The following NUP93 variants were observed in gnomAD, a reference collection of about 807,000 sequenced individuals.
NUP93 encodes nuclear pore complex protein Nup93.
NUP93 carries 55 observed loss-of-function variants against 107.8 expected under a neutral mutation model. The ratio of observed to expected loss-of-function variants is 0.51; its 90% CI spans 0.41 to 0.64. The LOEUF (loss-of-function observed/expected upper bound fraction) is 0.64. Among genes scored for constraint, NUP93 ranks in the 30% least tolerant of loss-of-function variants. The probability of loss-of-function intolerance (pLI) is 0.00; values close to 1 mark genes in which losing one functional copy is unlikely to be tolerated. For synonymous variants in NUP93, 390 were observed against 397.5 expected, an observed-to-expected ratio of 0.98 and a Z score of 0.22; for missense variants, 937 against 1,044.7, an observed-to-expected ratio of 0.90 and a Z score of 1.42.
In NUP93 at chr16:56,822,663, C is replaced by T. The variant is rs573810707; in HGVS notation, c.655-1044C>T. ...GCAACCTCCACCTCCTGGGTTCAAG[C>T]GATTCTCCTACCTCGGCCTCCCGAG... On this transcript the variant is annotated intron_variant, in intron 7 of 21. Transcript: ENST00000308159. Among the ~76,000 whole-genome samples, 49 of 148,790 alleles carry T rather than the reference C, an allele frequency of 3.3e-4. 1 individual carries two copies. The highest frequency in any genetic ancestry group is 1.2e-3 in the African/African-American group (47 of 40,244).
chr16:56,815,853 G>C lies in NUP93; in HGVS notation c.490-2811G>C, dbSNP rs1390116758. ...GTAAGTAGTGGATCCAGGATTTCCA[G>C]CTACTACTGCTACTGCTGCTGCTGC... On this transcript the variant is annotated intron_variant, in intron 5 of 21. Coordinates refer to ENST00000308159, the MANE Select transcript of NUP93 (RefSeq NM_014669.5). Among the ~76,000 whole-genome samples, 3 of 140,196 alleles carry C rather than the reference G, an allele frequency of 2.1e-5. No individual in the cohort carries two copies. The Admixed American group carries it at 2.2e-4, about 10-fold the overall frequency. 92.0% of individuals were successfully genotyped at this position (140,196 alleles called of 152,430 possible).
chr16:56,772,357 C>A (rs549597049), intron 3 of NUP93, among the ~76,000 whole-genome samples: 1 of 152,310 alleles, frequency 6.6e-6, no homozygotes, highest in South Asian at 2.1e-4. Context: ...AGTTTGGACT[C>A]CGGATTCTTT....
intron 20 of NUP93, 83 bp from the exon 21 acceptor site, chr16:56,841,598 AGGAGTGGTGCAACCAGGCCTGCCT>A (rs1964025979): frequency 7.3e-7 from 1 of 1,366,570 alleles, no homozygotes; most frequent in African/African-American, 1.5e-5. Flanking sequence ...GGCAATGGTG[AGGAGTGGTGCAACCAGGCCTGCCT>A]GGAGCAGCCC....
At position 56,795,830 on chromosome 16, in the gene NUP93, A is replaced by C. The variant is rs560157026; in HGVS notation, c.298-2646A>C. Among the ~76,000 whole-genome samples the C allele has an allele frequency of 4.1e-4, 63 of 152,094 alleles. No homozygotes were observed. In the South Asian group the frequency reaches 0.013, roughly 31 times the overall value. The stretch of plus-strand genomic sequence containing the variant: ...GCTGGCTAATCTTTGTGTTTTTAGT[A>C]GAGACAGGGTTTCACCATGTTGGCC... On this transcript the variant is annotated intron_variant, in intron 3 of 21. Coordinates refer to ENST00000308159, the MANE Select transcript of NUP93 (RefSeq NM_014669.5).
chr16:56,812,134 G>A (rs1963328767), intron 5 of NUP93, among the ~76,000 whole-genome samples: 1 of 152,128 alleles, frequency 6.6e-6, no homozygotes, highest in African/African-American at 2.4e-5. Flanking sequence ...ATAATTTTGA[G>A]CTGACCTTAA....
At chr16:56,796,520 A>G (rs1255675327) in intron 3 of NUP93, among the ~76,000 whole-genome samples, 2 of 152,246 alleles carry the variant, frequency 1.3e-5, no homozygotes, top group Non-Finnish European at 2.9e-5. Context: ...GCTTGACTAT[A>G]TACTAAAACA....
chr16:56,776,869 G>A (rs1962424794), intron 3 of NUP93, among the ~76,000 whole-genome samples: 1 of 152,194 alleles, frequency 6.6e-6, no homozygotes, highest in Admixed American at 6.5e-5. Context: ...AAATTTTGTG[G>A]CTATGAATCC....
At chr16:56,785,816 A>G (rs1962614558) in intron 3 of NUP93, among the ~76,000 whole-genome samples, 1 of 152,228 alleles carries the variant, frequency 6.6e-6, no homozygotes, top group South Asian at 2.1e-4. Flanking sequence ...TTTAATTAGC[A>G]CTTATATGTA....
intron 5 of NUP93, among the ~76,000 whole-genome samples, chr16:56,816,814 G>GA (rs1226571434): frequency 1.3e-5 from 2 of 152,156 alleles, no homozygotes; most frequent in African/African-American, 4.8e-5. Context: ...TGAATAGCTT[G>GA]AAATCTGCCA....
At position 56,845,709 on chromosome 16, in the gene NUP93, CTCTT is replaced by C. The variant is rs1964108703; in HGVS notation, c.*1103_*1106del. 6.6e-6 allele frequency: 1 copy of C among 152,216 alleles called. No individual in the cohort carries two copies. Among genetic ancestry groups the C allele is most frequent in the South Asian group, 2.1e-4 (1 of 4,832 alleles). 9.4% of individuals were successfully genotyped at this position (152,216 alleles called of 1,614,324 possible). ...TTGATGGACGGCTCCCTGAGGTAGA[CTCTT>C]TCCCAGCAGAATGTTAAGATCCCCA... On this transcript the variant is annotated 3_prime_UTR_variant, in exon 22 of 22. Transcript: ENST00000308159.
In NUP93 at chr16:56,821,573, G is replaced by T; in HGVS notation, c.634G>T (p.Val212Phe). 6.2e-7 allele frequency: 1 copy of T among 1,612,772 alleles called. No homozygotes were observed. Among genetic ancestry groups the T allele is most frequent in the Non-Finnish European group, 8.5e-7 (1 of 1,178,938 alleles). ...QPNLVDLCASVAELDDKSISD... is the reference protein window; with the variant it reads ...QPNLVDLCASFAELDDKSISD... ...TAACCTGGTGGACCTTTGTGCTTCC[G>T]TCGCAGAGCTCGATGATAAGGTAGC... is the stretch of plus-strand genomic sequence containing the variant. The change falls in exon 7 of 22, where the codon GTC becomes TTC. Residue 212 changes from valine (V) to phenylalanine (F), a missense_variant. Physicochemically the swap from Val to Phe is conservative, Grantham distance 50 (BLOSUM62 -1). Coordinates refer to ENST00000308159, the MANE Select transcript of NUP93 (RefSeq NM_014669.5).
chr16:56,803,750 AT>A (rs1555494574), intron 4 of NUP93, among the ~76,000 whole-genome samples: 6 of 5,104 alleles, frequency 1.2e-3, no homozygotes, highest in African/African-American at 3.0e-3. Flanking sequence ...AGGGAAAAAT[AT>A]ATATATATAT....
chr16:56,832,042 A>G (rs1567410136), intron 11 of NUP93, 35 bp downstream of exon 11: 1 of 1,610,536 alleles, frequency 6.2e-7, no homozygotes, highest in East Asian at 2.2e-5. Flanking sequence ...ATAGGGCTTT[A>G]CCCCTTTTCT....
chr16:56,740,654 C>G (rs1961716785), intron 1 of NUP93: 1 of 216,880 alleles, frequency 4.6e-6, no homozygotes, highest in Admixed American at 5.8e-5. Flanking sequence ...AATCTTGGCA[C>G]TTTGGGAGGC....
intron 4 of NUP93, among the ~76,000 whole-genome samples, chr16:56,802,077 G>A (rs117489775): frequency 0.012 from 1,877 of 152,260 alleles, 61 homozygotes; most frequent in Admixed American, 0.074. Flanking sequence ...TGCTCACCCC[G>A]TGTTGCAGCT....
At chr16:56,823,222 C>T (rs562391834) in intron 7 of NUP93, among the ~76,000 whole-genome samples, 2 of 152,144 alleles carry the variant, frequency 1.3e-5, no homozygotes, top group African/African-American at 2.4e-5. Flanking sequence ...AGAGCGGTGG[C>T]CCCTGGAGCG....
At chr16:56,787,104 A>C (rs1962644527) in intron 3 of NUP93, among the ~76,000 whole-genome samples, 1 of 152,250 alleles carries the variant, frequency 6.6e-6, no homozygotes, top group Admixed American at 6.5e-5. Flanking sequence ...CAATACTGTT[A>C]ACAAAGGAAT....
chr16:56,803,351 G>C (rs1038900895), intron 4 of NUP93, among the ~76,000 whole-genome samples: 1 of 152,062 alleles, frequency 6.6e-6, no homozygotes, highest in Non-Finnish European at 1.5e-5. Context: ...TGTAATCCCA[G>C]CTACTTGGGA....
intron 2 of NUP93, among the ~76,000 whole-genome samples, chr16:56,755,299 T>G (rs1206787735): frequency 6.6e-6 from 1 of 152,194 alleles, no homozygotes; most frequent in East Asian, 1.9e-4. Flanking sequence ...AGGAGTGAAG[T>G]ACTAATACAT....
Sources: allele counts gnomAD v4.1 joint callset (sites outside exome capture counted in the v4.1 genomes callset), GRCh38; gene constraint gnomAD v4.1.1; transcripts MANE v1.5; gene names NCBI Gene and HGNC (gene_info 2026-07-23, HGNC 2026-07-21).